The following DHCR24 variants were observed in gnomAD, a reference collection of about 807,000 sequenced individuals.
DHCR24 encodes the protein 24-dehydrocholesterol reductase.
DHCR24 carries 28 observed loss-of-function variants against 61.2 expected under a neutral mutation model. That is an observed-to-expected ratio of 0.46 (90% CI 0.34 to 0.63). DHCR24 has a LOEUF of 0.63. DHCR24 is among the 20% of genes least tolerant of loss of function. The pLI is 0.01. For missense variants in DHCR24, 538 were observed against 679.1 expected, an observed-to-expected ratio of 0.79 and a Z score of 2.31; for synonymous variants, 261 against 275.9, an observed-to-expected ratio of 0.95 and a Z score of 0.54.
chr1:54,867,467 G>A (rs1396749065), intron 5 of DHCR24, among the ~76,000 whole-genome samples: 2 of 151,992 alleles, frequency 1.3e-5, no homozygotes, highest in Non-Finnish European at 2.9e-5. Flanking sequence ...ATTCTGGGAG[G>A]GCCTTTGGGT....
chr1:54,875,344 G>C (rs1215359684), intron 3 of DHCR24, 133 bp from the exon 4 acceptor site: 5 of 781,826 alleles, frequency 6.4e-6, no homozygotes, highest in Non-Finnish European at 1.1e-5. Flanking sequence ...TGACTTAGGG[G>C]AGATTTCCCA....
At chr1:54,870,386 C>CA (rs1026389733) in intron 5 of DHCR24, among the ~76,000 whole-genome samples, 11 of 152,156 alleles carry the variant, frequency 7.2e-5, no homozygotes, top group African/African-American at 2.7e-4. Context: ...TAAAAACTTT[C>CA]AAAAAAATCC....
intron 6 of DHCR24, among the ~76,000 whole-genome samples, chr1:54,857,217 C>T (rs932970725): frequency 5.9e-5 from 9 of 152,222 alleles, no homozygotes; most frequent in African/African-American, 2.2e-4. Context: ...CTAAGCTGCC[C>T]CCTTGCTGAG....
At position 54,875,619 on chromosome 1, in the gene DHCR24, G is replaced by A. The variant is rs143402560; in HGVS notation, c.493+323C>T. 0.021 allele frequency among the ~76,000 whole-genome samples: 3,159 copies of A among 152,174 alleles called. 44 individuals carry two copies. The highest frequency in any genetic ancestry group is 0.054 in the Middle Eastern group (16 of 294). On this transcript the variant is annotated intron_variant, in intron 3 of 8. Transcript: ENST00000371269. ...TCCCTGAAGAAGAAGAGGCTTTGGG[G>A]GCTATGAATCCTATGGGAGGAGAAG... is the stretch of plus-strand genomic sequence containing the variant.
Position 54,880,493 on chromosome 1 carries a change from G to A in DHCR24, c.387+3125C>T, listed in dbSNP as rs530419989. Among the ~76,000 whole-genome samples the A allele has an allele frequency of 9.2e-5, 14 of 152,292 alleles. No individual in the cohort carries two copies. In the South Asian group the frequency reaches 1.4e-3, roughly 16 times the overall value. On this transcript the variant is annotated intron_variant, in intron 2 of 8. Coordinates refer to ENST00000371269, the MANE Select transcript of DHCR24 (RefSeq NM_014762.4). ...TCAAAATGCAAAGTAGGCCAAGCGC[G>A]GTGGCTCACGCCTGTAATCCCAGCA...
At chr1:54,874,188 A>G (rs1392018013) in intron 4 of DHCR24, among the ~76,000 whole-genome samples, 1 of 152,210 alleles carries the variant, frequency 6.6e-6, no homozygotes, top group Non-Finnish European at 1.5e-5. Flanking sequence ...TCAAAAAATA[A>G]ATTTAGTGTA....
intron 4 of DHCR24, 65 bp from the exon 5 acceptor site, chr1:54,871,678 GT>G: frequency 6.2e-7 from 1 of 1,608,340 alleles, no homozygotes; most frequent in African/African-American, 1.3e-5. Flanking sequence ...CATGCAGTCA[GT>G]GGGGGAGCAA....
At position 54,851,812 on chromosome 1, in the gene DHCR24, C is replaced by CGAAA. The variant is rs1420814584; in HGVS notation, c.*420_*421insTTTC. On this transcript the variant is annotated 3_prime_UTR_variant, in exon 9 of 9. Coordinates refer to ENST00000371269, the MANE Select transcript of DHCR24 (RefSeq NM_014762.4). Reference sequence around the variant, plus strand: ...CAGGTGACCTAATGTGGAGCCTTTTCAGGCTCCACTGCAGATGTGACGCTG... The same window carrying CGAAA: ...CAGGTGACCTAATGTGGAGCCTTTTCGAAAAGGCTCCACTGCAGATGTGACGCTG... The CGAAA allele has an allele frequency of 9.2e-6, 2 of 216,374 alleles. No individual in the cohort carries two copies. Among genetic ancestry groups the CGAAA allele is most frequent in the Non-Finnish European group, 1.9e-5 (2 of 107,020 alleles). The allele number at this position is 216,374 out of a possible 1,614,324, so 13.4% of individuals were successfully genotyped here.
intron 6 of DHCR24, among the ~76,000 whole-genome samples, chr1:54,854,898 C>G (rs1159710364): frequency 6.6e-6 from 1 of 152,204 alleles, no homozygotes; most frequent in African/African-American, 2.4e-5. Flanking sequence ...CGGGAGCTTC[C>G]TCACTCAGCA....
Position 54,883,488 on chromosome 1 carries a change from C to T in DHCR24, c.387+130G>A, listed in dbSNP as rs1437673343. The T allele has an allele frequency of 3.3e-5, 38 of 1,166,730 alleles. No individual in the cohort carries two copies. In the South Asian group the frequency reaches 3.7e-4, roughly 11 times the overall value. 72.3% of individuals were successfully genotyped at this position (1,166,730 alleles called of 1,614,324 possible). ...TGAGGACAGCAATGGCAGGGAGTAT[C>T]TTCTATGACTGTGGGCATTGGTCCT... is the stretch of plus-strand genomic sequence containing the variant. On this transcript the variant is annotated intron_variant, in intron 2 of 8. Transcript: ENST00000371269. The surrounding 1 kb of genome is among the most constrained non-coding windows in gnomAD (Gnocchi z 4.3).
intron 6 of DHCR24, among the ~76,000 whole-genome samples, chr1:54,856,834 CTTG>C (rs2101558065): frequency 6.6e-6 from 1 of 152,268 alleles, no homozygotes; most frequent in South Asian, 2.1e-4. Flanking sequence ...CATTTCAGAG[CTTG>C]TACCATTTTA....
At position 54,860,738 on chromosome 1, in the gene DHCR24, C is replaced by G. The variant is rs113543107; in HGVS notation, c.1020+4565G>C. Reference sequence around the variant, plus strand: ...CAGTGGCTCACGCCTGTAATCCCAGCACTTTGGGAGGCCGGGGCGGGCGGA... The same window carrying G: ...CAGTGGCTCACGCCTGTAATCCCAGGACTTTGGGAGGCCGGGGCGGGCGGA... On this transcript the variant is annotated intron_variant, in intron 6 of 8. Coordinates refer to ENST00000371269, the MANE Select transcript of DHCR24 (RefSeq NM_014762.4). Among the ~76,000 whole-genome samples, 1,358 of 152,298 alleles carry G rather than the reference C, an allele frequency of 8.9e-3. 20 individuals carry two copies. Among genetic ancestry groups the G allele is most frequent in the African/African-American group, 0.031 (1,296 of 41,560 alleles).
At chr1:54,859,549 C>T (rs543467520) in intron 6 of DHCR24, among the ~76,000 whole-genome samples, 32 of 152,200 alleles carry the variant, frequency 2.1e-4, no homozygotes, top group African/African-American at 7.5e-4. Flanking sequence ...TCTTGGCTCA[C>T]TGCAACCTCC....
intron 1 of DHCR24, among the ~76,000 whole-genome samples, chr1:54,884,353 G>C (rs1647081167): frequency 1.3e-5 from 2 of 152,190 alleles, no homozygotes; most frequent in Admixed American, 1.3e-4. Context: ...AACACGTATG[G>C]AGGCTTATCA....
At position 54,873,664 on chromosome 1, in the gene DHCR24, C is replaced by A. The variant is rs114960062; in HGVS notation, c.612+1429G>T. On this transcript the variant is annotated intron_variant, in intron 4 of 8. Coordinates refer to ENST00000371269, the MANE Select transcript of DHCR24 (RefSeq NM_014762.4). ...ATGCGTTTATGTCTTGACCTTTTTT[C>A]TTTGAGACAGGGTCTTGCTCTGTCA... Among the ~76,000 whole-genome samples, 1,256 of 152,200 alleles carry A rather than the reference C, an allele frequency of 8.3e-3. 5 individuals are homozygous for A. Among genetic ancestry groups the A allele is most frequent in the Non-Finnish European group, 0.013 (891 of 67,990 alleles).
intron 5 of DHCR24, among the ~76,000 whole-genome samples, chr1:54,869,550 A>G (rs988696979): frequency 1.3e-5 from 2 of 151,930 alleles, no homozygotes; most frequent in African/African-American, 4.8e-5. Flanking sequence ...CAAAAATGGG[A>G]TATTACAGAA....
intron 8 of DHCR24, 108 bp downstream of exon 8, chr1:54,853,326 T>C (rs1298679576): frequency 2.8e-6 from 4 of 1,427,384 alleles, no homozygotes; most frequent in African/African-American, 1.4e-5. Context: ...AAGGAACCAG[T>C]TGATAGGCTT....
intron 6 of DHCR24, among the ~76,000 whole-genome samples, chr1:54,855,165 C>T (rs1257460279): frequency 6.6e-6 from 1 of 152,068 alleles, no homozygotes; most frequent in African/African-American, 2.4e-5. Context: ...GAGGCCGAGG[C>T]AGATGGATCA....
At chr1:54,877,083 T>C (rs912173412) in intron 2 of DHCR24, among the ~76,000 whole-genome samples, 1 of 151,906 alleles carries the variant, frequency 6.6e-6, no homozygotes, top group Non-Finnish European at 1.5e-5. Flanking sequence ...AATCAGAATA[T>C]GCATCTATCT....
Sources: gnomAD v4.1 joint callset for allele counts (sites outside exome capture counted in the v4.1 genomes callset) on GRCh38, gnomAD v4.1.1 for gene constraint, Gnocchi (gnomAD v3.1) non-coding constraint, MANE v1.5 for transcripts, NCBI Gene and HGNC (gene_info 2026-07-23, HGNC 2026-07-21) for gene names.